Variants in VPS29 observed in about 807,000 individuals in gnomAD.
VPS29 encodes the protein VPS29 retromer complex component.
In VPS29, 2 loss-of-function variants were observed where a neutral mutation model predicts 20.0. The ratio of observed to expected loss-of-function variants is 0.10; its 90% confidence interval spans 0.04 to 0.31. The LOEUF (loss-of-function observed/expected upper bound fraction) is 0.31. Among genes scored for constraint, VPS29 ranks in the 10% least tolerant of loss-of-function variants. VPS29 has a pLI of 1.00. For missense variants in VPS29, 120 were observed against 215.3 expected (o/e 0.56, Z 2.77); for synonymous variants, 81 against 79.3 (o/e 1.02, Z -0.12).
chr12:110,500,708 C>G (rs1351559879), intron 1 of VPS29, among the ~76,000 whole-genome samples: 1 of 151,212 alleles, frequency 6.6e-6, no homozygotes, highest in Non-Finnish European at 1.5e-5. Context: ...CAACCTCCAT[C>G]AACACAAATA....
At chr12:110,501,556 T>C in intron 1 of VPS29, 1 of 1,535,390 alleles carries the variant, frequency 6.5e-7, no homozygotes, top group Non-Finnish European at 8.7e-7. Flanking sequence ...TTTATTCCCT[T>C]TCCCTAGATG....
intron 1 of VPS29, among the ~76,000 whole-genome samples, chr12:110,498,443 CAAAAT>C: frequency 6.6e-6 from 1 of 151,980 alleles, no homozygotes. Flanking sequence ...TAGGATAAAA[CAAAAT>C]AGTTTTGCCA....
In VPS29 at chr12:110,496,141, G is replaced by T. The variant is rs750842992; in HGVS notation, c.66C>A (p.Phe22Leu). 1 of 1,613,932 alleles carries T rather than the reference G, an allele frequency of 6.2e-7. No individual in the cohort carries two copies. Among genetic ancestry groups the T allele is most frequent in the East Asian group, 2.2e-5 (1 of 44,876 alleles). The change falls in exon 2 of 4, where the codon TTC (phenylalanine) becomes TTA (leucine). Residue 22 changes from phenylalanine to leucine, a missense_variant. Phe to Leu is a conservative substitution (Grantham distance 22, BLOSUM62 0). Coordinates refer to ENST00000549578, the MANE Select transcript of VPS29 (RefSeq NM_016226.5). ...PHRCNSLPAKFKKLLVPGKIQ... is the reference protein window; with the variant it reads ...PHRCNSLPAKLKKLLVPGKIQ... ...TTTTTCCTGGCACCAGGAGTTTTTT[G>T]AATTTAGCTGGCAAACTGTTGCACC... is the stretch of plus-strand genomic sequence containing the variant.
At chr12:110,495,876 A>ATAGT in intron 2 of VPS29, 136 bp downstream of exon 2, 1 of 727,450 alleles carries the variant, frequency 1.4e-6, no homozygotes, top group Non-Finnish European at 2.1e-6. Flanking sequence ...GATGTATAGT[A>ATAGT]ATTTTACATT....
chr12:110,491,087 G>GC lies in VPS29; in HGVS notation c.*917_*918insG, dbSNP rs898302052. The GC allele has an allele frequency of 6.9e-6, 1 of 145,720 alleles. No homozygotes were observed. Among genetic ancestry groups the GC allele is most frequent in the Non-Finnish European group, 1.5e-5 (1 of 65,940 alleles). 9.0% of individuals were successfully genotyped at this position (145,720 alleles called of 1,614,324 possible). On this transcript the variant is annotated 3_prime_UTR_variant, in exon 4 of 4. Coordinates refer to ENST00000549578, the MANE Select transcript of VPS29 (RefSeq NM_016226.5). ...ATTTGTTTTTTTTTTGTTTTGTTTT[G>GC]TTTTTTTTTGAGACGGAGTTATGCT...
chr12:110,492,913 C>A lies in VPS29; in HGVS notation c.431+83G>T, dbSNP rs185325762. On this transcript the variant is annotated intron_variant, in intron 3 of 3. Coordinates refer to ENST00000549578, the MANE Select transcript of VPS29 (RefSeq NM_016226.5). ...GGTATTACAGGCATGAGCCACTGTG[C>A]CCAGCCACATTTCTTTTACGAAATG... 182 of 1,288,590 alleles carry A rather than the reference C, an allele frequency of 1.4e-4. No individual in the cohort carries two copies. The East Asian group carries it at 4.0e-3, about 28-fold the overall frequency. 79.8% of individuals were successfully genotyped at this position (1,288,590 alleles called of 1,614,324 possible).
chr12:110,499,640 C>CAAAAAAAAAAAAAAA, intron 1 of VPS29: 1 of 642,144 alleles, frequency 1.6e-6, no homozygotes, highest in Non-Finnish European at 2.4e-6. Context: ...AAAAAGAAAC[C>CAAAAAAAAAAAAAAA]AAAAAAAAAA....
At chr12:110,496,971 A>G (rs2062916901) in intron 1 of VPS29, 1 of 152,106 alleles carries the variant, frequency 6.6e-6, no homozygotes, top group East Asian at 1.9e-4. Flanking sequence ...TCTGGATTAA[A>G]TTGCTCATAT....
At chr12:110,492,949 A>G (rs758159587) in intron 3 of VPS29, 47 bp downstream of exon 3, 22 of 1,509,762 alleles carry the variant, frequency 1.5e-5, no homozygotes, top group Non-Finnish European at 1.9e-5. Context: ...TCACACATGC[A>G]ATTATTTTAC....
intron 1 of VPS29, 153 bp from the exon 2 acceptor site, chr12:110,496,356 C>T (rs1248778759): frequency 9.5e-6 from 6 of 633,954 alleles, no homozygotes; most frequent in Non-Finnish European, 1.5e-5. Flanking sequence ...TATTTAATCT[C>T]AGAAGCTGAA....
chr12:110,497,453 G>A (rs2062926505), intron 1 of VPS29, among the ~76,000 whole-genome samples: 1 of 151,506 alleles, frequency 6.6e-6, no homozygotes, highest in African/African-American at 2.4e-5. Context: ...CTGACCTCAG[G>A]TGATCCACCT....
chr12:110,501,078 GGCTGAGGCAGGA>G (rs1193181719), intron 1 of VPS29, among the ~76,000 whole-genome samples: 13 of 152,142 alleles, frequency 8.5e-5, no homozygotes, highest in Non-Finnish European at 1.3e-4. Flanking sequence ...CTACTCGGGA[GGCTGAGGCAGGA>G]GCTGAGGCTT....
chr12:110,501,537 G>A (rs2135613290), intron 1 of VPS29: 3 of 1,535,430 alleles, frequency 2.0e-6, no homozygotes, highest in African/African-American at 1.4e-5. Context: ...TCAGGAGCGA[G>A]GAGGGTGGTT....
chr12:110,501,204 C>T (rs1196866462), intron 1 of VPS29, among the ~76,000 whole-genome samples: 1 of 151,948 alleles, frequency 6.6e-6, no homozygotes, highest in Non-Finnish European at 1.5e-5. Flanking sequence ...AATATGATTA[C>T]AGCTCTGAGT....
chr12:110,493,592 C>T (rs1432037384), intron 2 of VPS29, among the ~76,000 whole-genome samples: 4 of 152,104 alleles, frequency 2.6e-5, no homozygotes, highest in African/African-American at 7.2e-5. Context: ...AAACTCCTAA[C>T]CTCAAATGAT....
intron 2 of VPS29, among the ~76,000 whole-genome samples, chr12:110,494,742 T>TA (rs1411530533): frequency 2.0e-5 from 3 of 149,904 alleles, no homozygotes; most frequent in Non-Finnish European, 4.5e-5. Flanking sequence ...CTTTTTGAGA[T>TA]AGAGTTTCAC....
chr12:110,498,862 G>A lies in VPS29; in HGVS notation c.4-2659C>T, dbSNP rs568517644. ...TTCATTTTAGAGGGGGATTCCTTCT[G>A]ATATGGATTGAAGTACATAGTTAGT... is the stretch of plus-strand genomic sequence containing the variant. On this transcript the variant is annotated intron_variant, in intron 1 of 3. Transcript: ENST00000549578. 2.7e-5 allele frequency: 27 copies of A among 982,470 alleles called. No individual in the cohort carries two copies. In the Admixed American group the frequency reaches 3.7e-4, roughly 13 times the overall value. The allele number at this position is 982,470 out of a possible 1,614,324, so 60.9% of individuals were successfully genotyped here. A position where few individuals can be genotyped will look rare whatever the true frequency, so the allele number is the denominator to read the frequency against.
intron 3 of VPS29, 97 bp downstream of exon 3, chr12:110,492,899 C>T (rs2062840895): frequency 8.9e-7 from 1 of 1,117,806 alleles, no homozygotes; most frequent in Non-Finnish European, 1.3e-6. Context: ...GTATTACAGG[C>T]ATGAGCCACT....
chr12:110,498,351 T>C (rs2062941968), intron 1 of VPS29, among the ~76,000 whole-genome samples: 1 of 152,224 alleles, frequency 6.6e-6, no homozygotes, highest in African/African-American at 2.4e-5. Flanking sequence ...AGATATTGCA[T>C]GCATAAATGT....
Sources: allele counts gnomAD v4.1 joint callset (sites outside exome capture counted in the v4.1 genomes callset), GRCh38; gene constraint gnomAD v4.1.1; transcripts MANE v1.5; gene names NCBI Gene and HGNC (gene_info 2026-07-23, HGNC 2026-07-21).